Variants in SLC38A10 observed in about 807,000 individuals in gnomAD.
SLC38A10 encodes the protein Sodium-coupled neutral amino acid transporter 10.
Under a neutral mutation model 81.0 loss-of-function variants are expected in SLC38A10, and 53 were observed. The observed-to-expected ratio is 0.65, with a 90% confidence interval of 0.53 to 0.82. The LOEUF is 0.82. Ranked by LOEUF, SLC38A10 falls within the 40% of genes least tolerant of loss-of-function variation. SLC38A10 has a pLI of 0.00. For synonymous variants in SLC38A10, 665 were observed against 655.3 expected (o/e 1.01, Z -0.23); for missense variants, 1,471 against 1,545.0 (o/e 0.95, Z 0.80).
rs1401489953 is a variant in SLC38A10, at chr17:81,260,243, A to G, written c.1283T>C (p.Leu428Pro). 1.2e-6 allele frequency: 2 copies of G among 1,601,286 alleles called. No individual in the cohort carries two copies. Among genetic ancestry groups the G allele is most frequent in the Non-Finnish European group, 8.5e-7 (1 of 1,175,124 alleles). The change falls in exon 11 of 16, where the codon CTC (leucine) becomes CCC (proline). Residue 428 changes from leucine (L) to proline (P), a missense_variant. Coordinates refer to ENST00000374759, the MANE Select transcript of SLC38A10 (RefSeq NM_001037984.3). ...GAGAGCCAGGGTGGGCATACCTGAG[A>G]GCCGCGCTGCCTCCACCTTCATCAA... ...EGLMKVEAAR[L>P]SAQDPVVAVA...
At chr17:81,291,687 C>A (rs78545535) in intron 1 of SLC38A10, among the ~76,000 whole-genome samples, 1 of 152,148 alleles carries the variant, frequency 6.6e-6, no homozygotes. Flanking sequence ...CACACAGGCA[C>A]GCACCCAGCA....
At chr17:81,279,376 G>A (rs544878555) in intron 6 of SLC38A10, among the ~76,000 whole-genome samples, 12 of 152,376 alleles carry the variant, frequency 7.9e-5, no homozygotes, top group Non-Finnish European at 1.2e-4. Flanking sequence ...CCACCCAACA[G>A]GGACAGGCAC....
chr17:81,247,950 CTTTTT>C (rs34228716), intron 14 of SLC38A10, among the ~76,000 whole-genome samples: 8 of 73,102 alleles, frequency 1.1e-4, no homozygotes, highest in Non-Finnish European at 1.9e-4. Context: ...CAAAAGCTGT[CTTTTT>C]TTTTTTTTTT....
In SLC38A10 at chr17:81,252,308, A is replaced by G. The variant is rs142714259; in HGVS notation, c.1832T>C (p.Leu611Pro). 14 of 1,611,952 alleles carry G rather than the reference A, an allele frequency of 8.7e-6. No individual in the cohort carries two copies. The African/African-American group carries it at 1.7e-4, about 20-fold the overall frequency. Residue 611 changes from leucine to proline, a missense_variant, in exon 13 of 16, where the codon CTG becomes CCG. Physicochemically the swap from Leu to Pro is moderately conservative, Grantham distance 98. Transcript: ENST00000374759. ...CGCCAGGCCGTTCTGCTGCTCAGAC[A>G]GCACTGCCTGGGGCCGAGGATGCAG... ...RGLHPRPQAV[L>P]SEQQNGLAVG...
chr17:81,258,276 C>T (rs1245164340), intron 11 of SLC38A10, among the ~76,000 whole-genome samples: 1 of 152,210 alleles, frequency 6.6e-6, no homozygotes, highest in Non-Finnish European at 1.5e-5. Flanking sequence ...TCGACCCCAG[C>T]TCAGCCTCAG....
chr17:81,286,416 G>T lies in SLC38A10; in HGVS notation c.218-1521C>A, dbSNP rs557097378. ...ACCACGCTGAGACACGGCCCCACGC[G>T]CCTTCTTTTCCCCACCTGGGCCAAA... is the stretch of plus-strand genomic sequence containing the variant. On this transcript the variant is annotated intron_variant, in intron 2 of 15. Transcript: ENST00000374759. This position sits in a 1 kb window ranked among gnomAD's most constrained non-coding sequence, Gnocchi z 6.0. Among the ~76,000 whole-genome samples, 6 of 152,074 alleles carry T rather than the reference G, an allele frequency of 3.9e-5. No homozygotes were observed. The highest frequency in any genetic ancestry group is 3.9e-4 in the East Asian group (2 of 5,184).
intron 14 of SLC38A10, among the ~76,000 whole-genome samples, chr17:81,248,778 C>A (rs1236774248): frequency 6.6e-6 from 1 of 152,230 alleles, no homozygotes; most frequent in African/African-American, 2.4e-5. Flanking sequence ...GGAACGCAGC[C>A]CTGGGCCTCG....
chr17:81,282,596 C>G (rs2063224781), intron 4 of SLC38A10, among the ~76,000 whole-genome samples: 1 of 152,218 alleles, frequency 6.6e-6, no homozygotes, highest in African/African-American at 2.4e-5. Context: ...GGACAGCAGC[C>G]CCCCTAACAC....
At chr17:81,284,608 G>A (rs2063246553) in intron 3 of SLC38A10, among the ~76,000 whole-genome samples, 1 of 152,212 alleles carries the variant, frequency 6.6e-6, no homozygotes, top group South Asian at 2.1e-4. Context: ...AGGTGCTGAG[G>A]AATGGTGTTG....
rs377146500 is a variant in SLC38A10 at position 81,252,545 on chromosome 17, G to A, written c.1595C>T (p.Pro532Leu). 1 of 1,613,378 alleles carries A rather than the reference G, an allele frequency of 6.2e-7. No homozygotes were observed. The highest frequency in any genetic ancestry group is 8.5e-7 in the Non-Finnish European group (1 of 1,180,028). ...PPSRHAGGKAPGVQGQMAPPL... is the reference protein window; with the variant it reads ...PPSRHAGGKALGVQGQMAPPL... ...CGGCGCCATCTGGCCCTGGACCCCT[G>A]GAGCCTTTCCGCCCGCGTGTCTGGA... Residue 532 changes from proline to leucine, a missense_variant, in exon 13 of 16, where the codon CCA (proline) becomes CTA (leucine). Coordinates refer to ENST00000374759, the MANE Select transcript of SLC38A10 (RefSeq NM_001037984.3).
rs985972939 is a variant in SLC38A10 at position 81,283,937 on chromosome 17, G to A, written c.264-435C>T. Among the ~76,000 whole-genome samples, 1 of 151,124 alleles carries A rather than the reference G, an allele frequency of 6.6e-6. No individual in the cohort carries two copies. Among genetic ancestry groups the A allele is most frequent in the Non-Finnish European group, 1.5e-5 (1 of 67,854 alleles). On this transcript the variant is annotated intron_variant, in intron 3 of 15. Coordinates refer to ENST00000374759, the MANE Select transcript of SLC38A10 (RefSeq NM_001037984.3). This position sits in a 1 kb window ranked among gnomAD's most constrained non-coding sequence, Gnocchi z 4.7. ...CAGATGTGATTTCAAACGCGCCCCA[G>A]TTCACAGGGCGCGGGCAGGTTCTGT...
rs1198974470 is a variant in SLC38A10, at chr17:81,281,220, T to C, written c.502-487A>G. Reference sequence around the variant, plus strand: ...CCTCACTCGGAGAGCTGAGGAGCACTGGAGACCCTGGCTTCAATGACCACC... The same window carrying C: ...CCTCACTCGGAGAGCTGAGGAGCACCGGAGACCCTGGCTTCAATGACCACC... On this transcript the variant is annotated intron_variant, in intron 5 of 15. Coordinates refer to ENST00000374759, the MANE Select transcript of SLC38A10 (RefSeq NM_001037984.3). The surrounding 1 kb of genome is among the most constrained non-coding windows in gnomAD (Gnocchi z 5.3). Among the ~76,000 whole-genome samples, 3 of 152,180 alleles carry C rather than the reference T, an allele frequency of 2.0e-5. No individual in the cohort carries two copies. Among genetic ancestry groups the C allele is most frequent in the Non-Finnish European group, 2.9e-5 (2 of 68,044 alleles).
In SLC38A10 at chr17:81,246,498, A is replaced by G; in HGVS notation, c.2418T>C (p.Ser806=). ...QDLNQRSLEH[S]EGPVGRDPAG... ...CAGGGTCTCTGCCCACAGGCCCCTC[A>G]GAGTGCTCCAGGGAGCGCTGGTTAA... Residue 806 remains serine, a synonymous_variant, in exon 16 of 16, where the codon TCT becomes TCC. Coordinates refer to ENST00000374759, the MANE Select transcript of SLC38A10 (RefSeq NM_001037984.3). 1 of 1,542,746 alleles carries G rather than the reference A, an allele frequency of 6.5e-7. No individual in the cohort carries two copies. The highest frequency in any genetic ancestry group is 8.7e-7 in the Non-Finnish European group (1 of 1,147,492).
At chr17:81,255,762 G>A (rs950909793) in intron 11 of SLC38A10, among the ~76,000 whole-genome samples, 2 of 152,202 alleles carry the variant, frequency 1.3e-5, no homozygotes, top group South Asian at 2.1e-4. Context: ...TTGAGAGGCC[G>A]AGGCAGGAGG....
At position 81,288,308 on chromosome 17, in the gene SLC38A10, G is replaced by A. The variant is rs150743800; in HGVS notation, c.217+1383C>T. 9.8e-5 allele frequency among the ~76,000 whole-genome samples: 15 copies of A among 152,338 alleles called. No individual in the cohort carries two copies. The highest frequency in any genetic ancestry group is 2.6e-4 in the African/African-American group (11 of 41,580). On this transcript the variant is annotated intron_variant, in intron 2 of 15. Transcript: ENST00000374759. This position sits in a 1 kb window ranked among gnomAD's most constrained non-coding sequence, Gnocchi z 5.4. The stretch of plus-strand genomic sequence containing the variant: ...TCCCGCCACCTCCTCACTCTGCCGC[G>A]GGAGCTGTGAGCCCGGGGGGCAGGA...
At chr17:81,260,214 C>T (rs1228720771) in intron 11 of SLC38A10, 24 bp downstream of exon 11, 1 of 1,584,868 alleles carries the variant, frequency 6.3e-7, no homozygotes, top group Non-Finnish European at 8.6e-7. Context: ...CCTGAGAAGG[C>T]TCAGAGAGCC....
At chr17:81,292,276 G>C (rs751618094) in intron 1 of SLC38A10, among the ~76,000 whole-genome samples, 1 of 151,996 alleles carries the variant, frequency 6.6e-6, no homozygotes, top group Middle Eastern at 3.2e-3. Flanking sequence ...ACAGGCGCCT[G>C]ACATCGCGCA....
At position 81,251,621 on chromosome 17, in the gene SLC38A10, AC is replaced by A. The variant is rs1156956145; in HGVS notation, c.1946-10del. The A allele has an allele frequency of 1.4e-6, 2 of 1,480,022 alleles. No homozygotes were observed. The highest frequency in any genetic ancestry group is 8.9e-7 in the Non-Finnish European group (1 of 1,123,574). The allele number at this position is 1,480,022 out of a possible 1,614,324, so 91.7% of individuals were successfully genotyped here. On this transcript the variant is annotated splice_polypyrimidine_tract_variant and intron_variant, in intron 13 of 15. Coordinates refer to ENST00000374759, the MANE Select transcript of SLC38A10 (RefSeq NM_001037984.3). ...GAGGGGAGGCTTCCCACCTGCACAC[AC>A]GGTGAAGACTCAGAAGGTTTTGCAG...
At chr17:81,249,409 G>A in intron 14 of SLC38A10, among the ~76,000 whole-genome samples, 1 of 148,710 alleles carries the variant, frequency 6.7e-6, no homozygotes, top group Middle Eastern at 3.4e-3. Flanking sequence ...GGATGAAGGA[G>A]GGAGGGAAGA....
Sources: gnomAD v4.1 joint callset for allele counts (sites outside exome capture counted in the v4.1 genomes callset) on GRCh38, gnomAD v4.1.1 for gene constraint, Gnocchi (gnomAD v3.1) non-coding constraint, MANE v1.5 for transcripts, NCBI Gene and HGNC (gene_info 2026-07-23, HGNC 2026-07-21) for gene names.